The following CCDC172 variants were observed in gnomAD, a reference collection of about 807,000 sequenced individuals.
CCDC172 encodes the protein coiled-coil domain containing 172, also known as coiled-coil domain-containing protein 172.
In CCDC172, 30 loss-of-function variants were observed where a neutral mutation model predicts 38.0. That is an observed-to-expected ratio of 0.79 (90% confidence interval 0.59 to 1.07). The LOEUF (loss-of-function observed/expected upper bound fraction) is 1.07, where lower values mean the gene tolerates loss of function less well. CCDC172 is among the 50% of genes least tolerant of loss of function. The probability of loss-of-function intolerance (pLI) is 0.00; values close to 1 mark genes in which losing one functional copy is unlikely to be tolerated. For missense variants in CCDC172, 297 were observed against 290.1 expected (o/e 1.02, Z -0.17); for synonymous variants, 78 against 88.3 (o/e 0.88, Z 0.66).
chr10:116,337,304 C>T (rs1446562483), intron 3 of CCDC172, among the ~76,000 whole-genome samples: 1 of 152,018 alleles, frequency 6.6e-6, no homozygotes, highest in African/African-American at 2.4e-5. Context: ...CGGGTGCCCC[C>T]ACCACACCTG....
At position 116,331,888 on chromosome 10, in the gene CCDC172, G is replaced by A. The variant is rs556490313; in HGVS notation, c.165+6500G>A. On this transcript the variant is annotated intron_variant, in intron 3 of 8. Coordinates refer to ENST00000333254, the MANE Select transcript of CCDC172 (RefSeq NM_198515.3). Reference sequence around the variant, plus strand: ...GAGCTCAAGATTTCTGCACTGTATGGATAAGAGAATCTCAGGGTTCAAATT... The same window carrying A: ...GAGCTCAAGATTTCTGCACTGTATGAATAAGAGAATCTCAGGGTTCAAATT... Among the ~76,000 whole-genome samples the A allele has an allele frequency of 5.3e-5, 8 of 152,184 alleles. No homozygotes were observed. The South Asian group carries it at 1.7e-3, about 32-fold the overall frequency.
intron 5 of CCDC172, among the ~76,000 whole-genome samples, chr10:116,356,625 GAA>G (rs2134948499): frequency 6.6e-6 from 1 of 152,224 alleles, no homozygotes; most frequent in East Asian, 1.9e-4. Flanking sequence ...TGGCAGAAGA[GAA>G]AGAATATTTG....
chr10:116,336,098 C>T (rs1050242532), intron 3 of CCDC172, among the ~76,000 whole-genome samples: 3 of 151,878 alleles, frequency 2.0e-5, no homozygotes, highest in African/African-American at 2.4e-5. Flanking sequence ...ATCCGCGAGG[C>T]GGAGGTTGCA....
intron 3 of CCDC172, 119 bp from the exon 4 acceptor site, chr10:116,340,615 G>T: frequency 1.8e-6 from 1 of 554,150 alleles, no homozygotes. Context: ...ATTTTATTTT[G>T]CATTTTAAAG....
chr10:116,372,734 A>G (rs1845199790), intron 7 of CCDC172, among the ~76,000 whole-genome samples: 1 of 152,182 alleles, frequency 6.6e-6, no homozygotes, highest in Non-Finnish European at 1.5e-5. Context: ...TCATATTTGA[A>G]CCTCTGAAAA....
chr10:116,365,262 AAG>A (rs2134961145), intron 7 of CCDC172, among the ~76,000 whole-genome samples: 1 of 152,270 alleles, frequency 6.6e-6, no homozygotes, highest in South Asian at 2.1e-4. Context: ...CTAAATAGGG[AAG>A]TACTTCCTAT....
chr10:116,359,092 A>G (rs1282325573), intron 7 of CCDC172, among the ~76,000 whole-genome samples: 1 of 152,210 alleles, frequency 6.6e-6, no homozygotes, highest in East Asian at 1.9e-4. Context: ...ATATTTATCA[A>G]TTCCTACTTT....
At chr10:116,357,775 A>C in intron 6 of CCDC172, 61 bp from the exon 7 acceptor site, 2 of 901,756 alleles carry the variant, frequency 2.2e-6, no homozygotes, top group Non-Finnish European at 3.4e-6. Context: ...CTTATGAGTG[A>C]ATAAAGATAA....
chr10:116,343,231 T>G (rs1316960961), intron 5 of CCDC172, among the ~76,000 whole-genome samples: 1 of 152,132 alleles, frequency 6.6e-6, no homozygotes, highest in Non-Finnish European at 1.5e-5. Context: ...CTTATGTAAC[T>G]CCTTGAGTAC....
intron 5 of CCDC172, among the ~76,000 whole-genome samples, chr10:116,349,330 C>A (rs953372013): frequency 6.6e-6 from 1 of 152,154 alleles, no homozygotes; most frequent in African/African-American, 2.4e-5. Flanking sequence ...CCTCTCCCTC[C>A]CGTGGTCCAT....
At chr10:116,357,753 T>C in intron 6 of CCDC172, 83 bp from the exon 7 acceptor site, 1 of 764,708 alleles carries the variant, frequency 1.3e-6, no homozygotes, top group Admixed American at 3.4e-5. Flanking sequence ...CACCAAAAAT[T>C]AGAGTACTGT....
intron 3 of CCDC172, among the ~76,000 whole-genome samples, chr10:116,330,732 T>A (rs933710988): frequency 6.6e-6 from 1 of 152,062 alleles, no homozygotes; most frequent in African/African-American, 2.4e-5. Context: ...AATTTTTTGT[T>A]TTTATTTATT....
intron 3 of CCDC172, among the ~76,000 whole-genome samples, chr10:116,334,992 T>C (rs1332520042): frequency 6.6e-6 from 1 of 152,110 alleles, no homozygotes; most frequent in Non-Finnish European, 1.5e-5. Flanking sequence ...TCTAGCTTTT[T>C]ATTATAGATA....
Position 116,342,023 on chromosome 10 carries a change from T to C in CCDC172, c.283-13T>C, listed in dbSNP as rs1431601100. ...CTAACACCTATATTTGATCTTTTAT[T>C]TATGTTTTTCAGGAGGCTATAAAGA... On this transcript the variant is annotated splice_polypyrimidine_tract_variant and intron_variant, in intron 4 of 8. Transcript: ENST00000333254. 6.9e-7 allele frequency: 1 copy of C among 1,453,026 alleles called. No individual in the cohort carries two copies. The highest frequency in any genetic ancestry group is 2.6e-5 in the East Asian group (1 of 38,328). 90.0% of individuals were successfully genotyped at this position (1,453,026 alleles called of 1,614,324 possible). A position where few individuals can be genotyped will look rare whatever the true frequency, so the allele number is the denominator to read the frequency against.
At chr10:116,333,419 C>T (rs1450265990) in intron 3 of CCDC172, among the ~76,000 whole-genome samples, 2 of 152,054 alleles carry the variant, frequency 1.3e-5, no homozygotes, top group African/African-American at 2.4e-5. Context: ...TTATTTCTTG[C>T]ACATGTGCCA....
At chr10:116,355,348 A>G (rs1249787215) in intron 5 of CCDC172, among the ~76,000 whole-genome samples, 4 of 152,208 alleles carry the variant, frequency 2.6e-5, no homozygotes, top group Admixed American at 2.6e-4. Flanking sequence ...CATGCTGTAT[A>G]GGTTTGTAAC....
chr10:116,327,363 A>G (rs928885997), intron 3 of CCDC172, among the ~76,000 whole-genome samples: 1 of 152,112 alleles, frequency 6.6e-6, no homozygotes, highest in African/African-American at 2.4e-5. Context: ...TAATATTTTT[A>G]AAAGGTTGCT....
At chr10:116,374,161 T>C (rs971543966) in intron 7 of CCDC172, among the ~76,000 whole-genome samples, 2 of 152,176 alleles carry the variant, frequency 1.3e-5, no homozygotes, top group African/African-American at 4.8e-5. Flanking sequence ...TCGACTGTTA[T>C]GCTATCACAG....
intron 5 of CCDC172, among the ~76,000 whole-genome samples, chr10:116,349,212 C>T: frequency 6.6e-6 from 1 of 152,136 alleles, no homozygotes; most frequent in South Asian, 2.1e-4. Flanking sequence ...CCCACTGATT[C>T]TACATTATGG....
Sources: allele counts gnomAD v4.1 joint callset (sites outside exome capture counted in the v4.1 genomes callset), GRCh38; gene constraint gnomAD v4.1.1; transcripts MANE v1.5; gene names NCBI Gene and HGNC (gene_info 2026-07-23, HGNC 2026-07-21).